Variants in EDNRA observed in about 807,000 individuals in gnomAD.
EDNRA encodes the protein endothelin receptor type A.
EDNRA carries 11 observed loss-of-function variants against 41.4 expected under a neutral mutation model. The observed-to-expected ratio is 0.27, with a 90% confidence interval of 0.17 to 0.44. The LOEUF is 0.44. Ranked by LOEUF, EDNRA falls within the 20% of genes least tolerant of loss-of-function variation. The pLI, the probability that EDNRA is intolerant of heterozygous loss-of-function variation, is 1.00. For missense variants in EDNRA, 294 were observed against 531.0 expected (o/e 0.55, Z 4.39); for synonymous variants, 172 against 183.0 (o/e 0.94, Z 0.49).
chr4:147,502,591 A>G (rs1358146816), intron 2 of EDNRA, among the ~76,000 whole-genome samples: 1 of 150,592 alleles, frequency 6.6e-6, no homozygotes, highest in East Asian at 1.9e-4. Flanking sequence ...AAACTAATTT[A>G]TGAATTGAAG....
chr4:147,539,456 C>A lies in EDNRA; in HGVS notation c.901-361C>A, dbSNP rs10305922. Among the ~76,000 whole-genome samples the A allele has an allele frequency of 8.5e-3, 1,285 of 151,984 alleles. 17 individuals carry two copies. The highest frequency in any genetic ancestry group is 0.029 in the African/African-American group (1,221 of 41,442). On this transcript the variant is annotated intron_variant, in intron 5 of 7. Coordinates refer to ENST00000651419, the MANE Select transcript of EDNRA (RefSeq NM_001957.4). ...TCCCCCATGCAGTCACACTCCACCC[C>A]ACTACACACACACACAGGCAGACTC... is the stretch of plus-strand genomic sequence containing the variant.
At chr4:147,523,947 G>A (rs1026114046) in intron 3 of EDNRA, among the ~76,000 whole-genome samples, 1 of 152,076 alleles carries the variant, frequency 6.6e-6, no homozygotes, top group African/African-American at 2.4e-5. Flanking sequence ...TGGCCAAGAG[G>A]AGGAGTCCAT....
chr4:147,506,600 T>A, intron 2 of EDNRA: 1 of 297,136 alleles, frequency 3.4e-6, no homozygotes, highest in Non-Finnish European at 6.8e-6. Context: ...CCTTTAGAAA[T>A]ATCAATATTA....
At chr4:147,530,701 T>C (rs1296892417) in intron 3 of EDNRA, among the ~76,000 whole-genome samples, 2 of 152,118 alleles carry the variant, frequency 1.3e-5, no homozygotes, top group South Asian at 2.1e-4. Flanking sequence ...ATTCTAAGAG[T>C]TGTGTTTTCA....
rs1197828619 is a variant in EDNRA, at chr4:147,490,074, TTA to T, written c.420+3979_420+3980del. The T allele has an allele frequency of 3.3e-5, 5 of 151,522 alleles. No individual in the cohort carries two copies. The Admixed American group carries it at 3.3e-4, about 10-fold the overall frequency. The allele number at this position is 151,522 out of a possible 1,614,324, so 9.4% of individuals were successfully genotyped here. A position where few individuals can be genotyped will look rare whatever the true frequency, so the allele number is the denominator to read the frequency against. ...TTTGAAAAATGAGTTAGGCCTAGAA[TTA>T]TATATGTTGCATCTAACAGAAATAA... On this transcript the variant is annotated intron_variant, in intron 2 of 7. Transcript: ENST00000651419.
intron 5 of EDNRA, among the ~76,000 whole-genome samples, chr4:147,537,887 C>T (rs956564647): frequency 2.6e-5 from 4 of 152,120 alleles, no homozygotes; most frequent in Non-Finnish European, 5.9e-5. Context: ...GGCTGAAAGT[C>T]CTGCAGATGG....
chr4:147,526,896 G>A (rs903760525), intron 3 of EDNRA, among the ~76,000 whole-genome samples: 1 of 152,324 alleles, frequency 6.6e-6, no homozygotes. Context: ...GGAGGCTACA[G>A]CTATGATTGT....
intron 2 of EDNRA, among the ~76,000 whole-genome samples, chr4:147,509,088 C>CTT (rs1028115904): frequency 1.8e-4 from 27 of 152,006 alleles, no homozygotes; most frequent in African/African-American, 6.5e-4. Flanking sequence ...CTATTTTATT[C>CTT]TTTTTTGGTA....
chr4:147,513,391 G>A (rs372757771), intron 2 of EDNRA, among the ~76,000 whole-genome samples: 2 of 152,184 alleles, frequency 1.3e-5, no homozygotes, highest in Admixed American at 1.3e-4. Context: ...TGAATGCTCT[G>A]TCTCAATCCT....
chr4:147,513,328 A>T (rs1316907186), intron 2 of EDNRA, among the ~76,000 whole-genome samples: 1 of 152,214 alleles, frequency 6.6e-6, no homozygotes, highest in African/African-American at 2.4e-5. Flanking sequence ...GTTCAAAGGA[A>T]AAAGTGTATG....
intron 3 of EDNRA, among the ~76,000 whole-genome samples, chr4:147,528,401 A>T (rs1339450030): frequency 1.5e-5 from 2 of 137,890 alleles, no homozygotes; most frequent in African/African-American, 2.8e-5. Context: ...TCTGTCACCC[A>T]GGCTGGAGTG....
At chr4:147,521,677 T>C (rs1048714046) in intron 3 of EDNRA, among the ~76,000 whole-genome samples, 2 of 152,198 alleles carry the variant, frequency 1.3e-5, no homozygotes, top group Non-Finnish European at 2.9e-5. Context: ...ACAAGTAAAA[T>C]TTTTCCTGTA....
chr4:147,494,613 T>A (rs1729247406), intron 2 of EDNRA: 1 of 151,206 alleles, frequency 6.6e-6, no homozygotes, highest in Non-Finnish European at 1.5e-5. Flanking sequence ...GGAGCAAGAG[T>A]AGGGGAGAGG....
intron 2 of EDNRA, chr4:147,494,244 T>G (rs924607802): frequency 6.6e-6 from 1 of 152,142 alleles, no homozygotes; most frequent in African/African-American, 2.4e-5. Flanking sequence ...ACAAAACAGA[T>G]AGATATCCTT....
chr4:147,523,422 T>A lies in EDNRA; in HGVS notation c.548+3444T>A, dbSNP rs369867437. Among the ~76,000 whole-genome samples, 260 of 152,202 alleles carry A rather than the reference T, an allele frequency of 1.7e-3. 1 individual carries two copies. Among genetic ancestry groups the A allele is most frequent in the African/African-American group, 6.0e-3 (248 of 41,522 alleles). ...ATACTAGAGTGTGCTTGGGATTTGG[T>A]ATGTCACTGCTACAGAGAGTCTGTT... On this transcript the variant is annotated intron_variant, in intron 3 of 7. Coordinates refer to ENST00000651419, the MANE Select transcript of EDNRA (RefSeq NM_001957.4).
intron 7 of EDNRA, among the ~76,000 whole-genome samples, chr4:147,541,183 C>T (rs1224438007): frequency 6.8e-6 from 1 of 148,004 alleles, no homozygotes; most frequent in Non-Finnish European, 1.5e-5. Context: ...GGAATCTGAA[C>T]AAATATAATT....
At chr4:147,504,033 T>A (rs1380199005) in intron 2 of EDNRA, among the ~76,000 whole-genome samples, 1 of 152,188 alleles carries the variant, frequency 6.6e-6, no homozygotes, top group Non-Finnish European at 1.5e-5. Flanking sequence ...TTATTTAACG[T>A]CTGGCTTAAT....
intron 2 of EDNRA, among the ~76,000 whole-genome samples, chr4:147,505,534 G>T (rs1462265998): frequency 6.6e-6 from 1 of 150,626 alleles, no homozygotes; most frequent in African/African-American, 2.4e-5. Flanking sequence ...TAGAGACGGG[G>T]TTTCACCATG....
At chr4:147,516,851 A>G (rs1048835113) in intron 2 of EDNRA, among the ~76,000 whole-genome samples, 8 of 152,058 alleles carry the variant, frequency 5.3e-5, no homozygotes, top group Non-Finnish European at 1.0e-4. Context: ...CTCCTAGTCT[A>G]TTTCATTAAC....
Sources: gnomAD v4.1 joint callset for allele counts (sites outside exome capture counted in the v4.1 genomes callset) on GRCh38, gnomAD v4.1.1 for gene constraint, MANE v1.5 for transcripts, NCBI Gene and HGNC (gene_info 2026-07-23, HGNC 2026-07-21) for gene names.